IL1RAPL2: variants seen among roughly 807,000 people sequenced by gnomAD.
The protein encoded by IL1RAPL2 is interleukin 1 receptor accessory protein like 2.
IL1RAPL2 carries 3 observed loss-of-function variants against 44.1 expected under a neutral mutation model. The ratio of observed to expected loss-of-function variants is 0.07; its 90% CI spans 0.03 to 0.18. The LOEUF is 0.18. Ranked by LOEUF, IL1RAPL2 falls within the 10% of genes least tolerant of loss-of-function variation. IL1RAPL2 has a pLI of 1.00. For synonymous variants in IL1RAPL2, 181 were observed against 178.8 expected (o/e 1.01, Z -0.10); for missense variants, 391 against 496.4 (o/e 0.79, Z 2.02).
At chrX:105,021,668 T>C (rs1214052500) in intron 2 of IL1RAPL2, among the ~76,000 whole-genome samples, 2 of 111,467 alleles carry the variant, frequency 1.8e-5, no homozygotes, top group Non-Finnish European at 3.8e-5. Context: ...TTGCCATAAC[T>C]ATGCCTACTC....
intron 2 of IL1RAPL2, among the ~76,000 whole-genome samples, chrX:104,879,213 G>C (rs747194626): frequency 6.4e-5 from 7 of 109,576 alleles, no homozygotes; most frequent in Non-Finnish European, 1.3e-4. Context: ...ATTTAGAATG[G>C]GGCATTGCCC....
intron 5 of IL1RAPL2, among the ~76,000 whole-genome samples, chrX:105,454,190 A>G (rs749975589): frequency 4.5e-5 from 5 of 111,612 alleles, no homozygotes; most frequent in African/African-American, 1.6e-4. Context: ...CCTATCTACA[A>G]GAGAACCCCA....
intron 2 of IL1RAPL2, among the ~76,000 whole-genome samples, chrX:105,068,466 A>G (rs1247372753): frequency 3.6e-5 from 4 of 111,975 alleles, no homozygotes; most frequent in African/African-American, 6.5e-5. Flanking sequence ...TAATCTCTCC[A>G]AGGTCTCTAC....
At chrX:104,991,149 A>T (rs755894775) in intron 2 of IL1RAPL2, among the ~76,000 whole-genome samples, 1 of 111,363 alleles carries the variant, frequency 9.0e-6, no homozygotes, top group Admixed American at 9.6e-5. Context: ...TCTCCCTAAG[A>T]CTTTGAACAT....
At chrX:104,812,389 A>G (rs1932991415) in intron 2 of IL1RAPL2, among the ~76,000 whole-genome samples, 1 of 111,584 alleles carries the variant, frequency 9.0e-6, no homozygotes, top group East Asian at 2.8e-4. Flanking sequence ...CTTCCCTGTA[A>G]TGCAACAAAA....
At chrX:104,865,562 G>T (rs182904538) in intron 2 of IL1RAPL2, among the ~76,000 whole-genome samples, 50 of 111,789 alleles carry the variant, frequency 4.5e-4, no homozygotes, top group Non-Finnish European at 8.3e-4. Flanking sequence ...ATTAACATTT[G>T]AGTCAGTGGA....
At chrX:105,671,152 G>A (rs1313120054) in intron 6 of IL1RAPL2, among the ~76,000 whole-genome samples, 2 of 110,296 alleles carry the variant, frequency 1.8e-5, no homozygotes, top group Non-Finnish European at 3.8e-5. Flanking sequence ...TCGCCATGTG[G>A]GCCAAGGTGC....
chrX:104,769,488 G>A (rs1000961473), intron 2 of IL1RAPL2, among the ~76,000 whole-genome samples: 1 of 112,212 alleles, frequency 8.9e-6, no homozygotes, highest in Non-Finnish European at 1.9e-5. Flanking sequence ...CACATTTAAT[G>A]AATGTAAAAG....
At chrX:105,484,060 AT>A (rs2036249718) in intron 5 of IL1RAPL2, among the ~76,000 whole-genome samples, 1 of 111,474 alleles carries the variant, frequency 9.0e-6, no homozygotes. Context: ...AAAATAGTCC[AT>A]TTGTTTCATC....
intron 6 of IL1RAPL2, among the ~76,000 whole-genome samples, chrX:105,485,137 T>C (rs781409786): frequency 8.9e-6 from 1 of 111,818 alleles, no homozygotes; most frequent in South Asian, 3.7e-4. Context: ...TCTTCAATTC[T>C]AAATAGAAGA....
At chrX:105,075,991 C>G (rs1251403979) in intron 2 of IL1RAPL2, among the ~76,000 whole-genome samples, 5 of 111,517 alleles carry the variant, frequency 4.5e-5, no homozygotes, top group Admixed American at 9.5e-5. Flanking sequence ...TTCAAAAAAC[C>G]AGCTCCTGGA....
Position 105,045,538 on chromosome X carries a change from T to C in IL1RAPL2, c.83-149937T>C, listed in dbSNP as rs1444671464. Among the ~76,000 whole-genome samples the C allele has an allele frequency of 5.4e-5, 6 of 110,775 alleles. No homozygotes were observed. The Admixed American group carries it at 5.8e-4, about 11-fold the overall frequency. ...GCATTACAAGCCTAGTAGTACTGCT[T>C]GACTTTTATTGTGTTTATTTATTTT... On this transcript the variant is annotated intron_variant, in intron 2 of 10. Transcript: ENST00000372582.
At chrX:104,951,064 C>A (rs993131092) in intron 2 of IL1RAPL2, among the ~76,000 whole-genome samples, 2 of 111,855 alleles carry the variant, frequency 1.8e-5, no homozygotes, top group African/African-American at 6.5e-5. Context: ...ACCCACTGAC[C>A]TGCGCCCACT....
At chrX:105,016,748 TC>T (rs772276954) in intron 2 of IL1RAPL2, among the ~76,000 whole-genome samples, 10 of 111,706 alleles carry the variant, frequency 9.0e-5, no homozygotes, top group African/African-American at 3.2e-4. Flanking sequence ...GCATCAATGT[TC>T]ATCATGGATA....
In IL1RAPL2 at chrX:104,630,762, A is replaced by T. The variant is rs777404040; in HGVS notation, c.-19-28133A>T. Among the ~76,000 whole-genome samples, 10 of 110,747 alleles carry T rather than the reference A, an allele frequency of 9.0e-5. No homozygotes were observed. The East Asian group carries it at 2.8e-3, about 31-fold the overall frequency. ...TTTGGGTACTGTGGTCATTTTAACA[A>T]TGTTAATTATTCCTATGCATGAGCA... On this transcript the variant is annotated intron_variant, in intron 1 of 10. Transcript: ENST00000372582.
chrX:105,039,732 T>G (rs1472822998), intron 2 of IL1RAPL2, among the ~76,000 whole-genome samples: 1 of 112,060 alleles, frequency 8.9e-6, no homozygotes, highest in African/African-American at 3.2e-5. Context: ...ACTGACTTTG[T>G]ATCCTGAGAC....
At chrX:105,185,432 G>A (rs2033575654) in intron 2 of IL1RAPL2, among the ~76,000 whole-genome samples, 1 of 111,877 alleles carries the variant, frequency 8.9e-6, no homozygotes, top group African/African-American at 3.3e-5. Flanking sequence ...ATCACCAGGA[G>A]ACTTTCCAAG....
intron 2 of IL1RAPL2, among the ~76,000 whole-genome samples, chrX:104,675,669 T>C (rs1930734295): frequency 9.0e-6 from 1 of 110,867 alleles, no homozygotes; most frequent in South Asian, 3.9e-4. Flanking sequence ...ACTTTCTGTC[T>C]CTTTGATCTG....
chrX:105,020,232 A>G lies in IL1RAPL2; in HGVS notation c.83-175243A>G, dbSNP rs747840696. Among the ~76,000 whole-genome samples, 3 of 111,077 alleles carry G rather than the reference A, an allele frequency of 2.7e-5. No homozygotes were observed. The East Asian group carries it at 8.6e-4, about 32-fold the overall frequency. On this transcript the variant is annotated intron_variant, in intron 2 of 10. Transcript: ENST00000372582. ...ACTCCTGGCCTCAAAAGATTCTTTC[A>G]TCTCTGCCTCCAAAAGAGCTAGGAT... is the stretch of plus-strand genomic sequence containing the variant.
Sources: gnomAD v4.1 joint callset for allele counts (sites outside exome capture counted in the v4.1 genomes callset) on GRCh38, gnomAD v4.1.1 for gene constraint, MANE v1.5 for transcripts, NCBI Gene and HGNC (gene_info 2026-07-23, HGNC 2026-07-21) for gene names.